The following EDEM1 variants were observed in gnomAD, a reference collection of about 807,000 sequenced individuals.
EDEM1 encodes ER degradation enhancing alpha-mannosidase like protein 1.
In EDEM1, 67 loss-of-function variants were observed where a neutral mutation model predicts 74.4. The observed-to-expected ratio is 0.90, with a 90% CI of 0.74 to 1.10. The LOEUF (loss-of-function observed/expected upper bound fraction) is 1.10, where lower values mean the gene tolerates loss of function less well. EDEM1 is among the 50% of genes least tolerant of loss of function. The probability of loss-of-function intolerance (pLI) is 0.00; values close to 1 mark genes in which losing one functional copy is unlikely to be tolerated. For synonymous variants in EDEM1, 382 were observed against 335.9 expected, an observed-to-expected ratio of 1.14 and a Z score of -1.50; for missense variants, 926 against 851.6, an observed-to-expected ratio of 1.09 and a Z score of -1.09.
intron 6 of EDEM1, among the ~76,000 whole-genome samples, chr3:5,205,924 C>G (rs2055091316): frequency 6.6e-6 from 1 of 152,120 alleles, no homozygotes; most frequent in Non-Finnish European, 1.5e-5. Flanking sequence ...TAGAGACTTG[C>G]TGCTACTACA....
chr3:5,198,864 A>C (rs1575586408), intron 2 of EDEM1, among the ~76,000 whole-genome samples: 2 of 152,216 alleles, frequency 1.3e-5, no homozygotes, highest in South Asian at 4.1e-4. Context: ...TTTAGAGTGG[A>C]ATGAAATAAT....
At chr3:5,203,689 G>A (rs2055060541) in intron 5 of EDEM1, among the ~76,000 whole-genome samples, 1 of 152,094 alleles carries the variant, frequency 6.6e-6, no homozygotes, top group African/African-American at 2.4e-5. Context: ...CTCATCATTT[G>A]TCTTCACTAA....
At chr3:5,201,225 G>A (rs78782828) in intron 3 of EDEM1, among the ~76,000 whole-genome samples, 2,233 of 151,884 alleles carry the variant, frequency 0.015, 58 homozygotes, top group African/African-American at 0.051. Flanking sequence ...TGGCATGATT[G>A]TAGCAGTCTT....
intron 2 of EDEM1, among the ~76,000 whole-genome samples, chr3:5,196,329 C>T (rs1021837604): frequency 9.2e-5 from 14 of 152,092 alleles, no homozygotes; most frequent in Non-Finnish European, 1.8e-4. Flanking sequence ...TGGTGGCGGG[C>T]GCCTGTGGTC....
At position 5,210,268 on chromosome 3, in the gene EDEM1, A is replaced by T. The variant is rs1259360773; in HGVS notation, c.1583+20A>T. ...AGTCAAGTCAGTTTTCTAAGTTCCTACCTTTTTCTGTCAGCCACTTTTAAT... is the reference window on the plus strand; with the variant it reads ...AGTCAAGTCAGTTTTCTAAGTTCCTTCCTTTTTCTGTCAGCCACTTTTAAT... On this transcript the variant is annotated intron_variant, in intron 9 of 11. Transcript: ENST00000256497. 1.2e-6 allele frequency: 2 copies of T among 1,605,904 alleles called. No individual in the cohort carries two copies. Among genetic ancestry groups the T allele is most frequent in the Non-Finnish European group, 1.7e-6 (2 of 1,173,154 alleles).
chr3:5,210,831 C>A lies in EDEM1; in HGVS notation c.1584-289C>A, dbSNP rs143584145. Among the ~76,000 whole-genome samples the A allele has an allele frequency of 1.4e-3, 211 of 152,098 alleles. 1 individual carries two copies. The highest frequency in any genetic ancestry group is 4.9e-3 in the African/African-American group (204 of 41,476). On this transcript the variant is annotated intron_variant, in intron 9 of 11. Transcript: ENST00000256497. ...CTAGAAATTTAAATTAGTCCTTTTA[C>A]ATTTGTTGCCGGTCATTTTCCTGGT...
chr3:5,198,662 CTTTTTTT>C (rs57260414), intron 2 of EDEM1, among the ~76,000 whole-genome samples: 1,169 of 75,196 alleles, frequency 0.016, 29 homozygotes, highest in African/African-American at 0.05. Flanking sequence ...ACGTATATAG[CTTTTTTT>C]TTTTTTTTTT....
chr3:5,196,930 C>CTTTTTT (rs1488633815), intron 2 of EDEM1, among the ~76,000 whole-genome samples: 5 of 148,672 alleles, frequency 3.4e-5, no homozygotes, highest in African/African-American at 1.0e-4. Flanking sequence ...CTTTTCTTTT[C>CTTTTTT]TTTTCTTTTT....
chr3:5,193,985 A>G (rs2054932936), intron 1 of EDEM1, among the ~76,000 whole-genome samples: 3 of 152,330 alleles, frequency 2.0e-5, no homozygotes, highest in Middle Eastern at 6.8e-3. Flanking sequence ...AAAATGAGAC[A>G]TTGGAGCTGT....
intron 8 of EDEM1, among the ~76,000 whole-genome samples, chr3:5,208,876 C>G (rs546885768): frequency 6.6e-6 from 1 of 152,046 alleles, no homozygotes; most frequent in Non-Finnish European, 1.5e-5. Context: ...TTCTTCCTGA[C>G]GGTTGAAGCC....
At chr3:5,215,680 G>A (rs78231772) in intron 11 of EDEM1, 149 bp from the exon 12 acceptor site, 175 of 713,006 alleles carry the variant, frequency 2.5e-4, no homozygotes, top group Non-Finnish European at 3.8e-4. Context: ...GCTGCTGACC[G>A]TCCTGCAGTG....
At chr3:5,196,585 A>G (rs1255535634) in intron 2 of EDEM1, among the ~76,000 whole-genome samples, 3 of 152,208 alleles carry the variant, frequency 2.0e-5, no homozygotes, top group Non-Finnish European at 4.4e-5. Context: ...AGATCATTCT[A>G]CGTCCTCATT....
chr3:5,201,756 C>T lies in EDEM1; in HGVS notation c.690C>T (p.Val230=), dbSNP rs774824932. 14 of 1,614,102 alleles carry T rather than the reference C, an allele frequency of 8.7e-6. No homozygotes were observed. The highest frequency in any genetic ancestry group is 1.2e-5 in the Non-Finnish European group (14 of 1,180,010). The stretch of plus-strand genomic sequence containing the variant: ...TTTTTGTTCTTCCTGTCATTAGGGT[C>T]CTGGGAAGCCTCCTTTCTGCTCACA... ...TVQVFEATIR[V]LGSLLSAHRI... Residue 230 remains valine (V), a synonymous_variant, in exon 4 of 12, where the codon GTC becomes GTT. Transcript: ENST00000256497.
Position 5,205,121 on chromosome 3 carries a change from G to A in EDEM1, c.1097G>A (p.Gly366Asp), listed in dbSNP as rs770752760. 6 of 1,614,224 alleles carry A rather than the reference G, an allele frequency of 3.7e-6. No homozygotes were observed. Among genetic ancestry groups the A allele is most frequent in the Non-Finnish European group, 4.2e-6 (5 of 1,180,032 alleles). The change falls in exon 6 of 12, where the codon GGT becomes GAT. Residue 366 changes from glycine (G) to aspartate (D), a missense_variant. Gly to Asp is a moderately conservative substitution (Grantham distance 94). Coordinates refer to ENST00000256497, the MANE Select transcript of EDEM1 (RefSeq NM_014674.3). ...GHWVGKQSGL[G>D]AGLDSFYEYL... is the part of the protein sequence containing the mutation. ...TGGGTTGGAAAGCAGAGTGGCCTGG[G>A]TGCCGGGCTGGACTCCTTCTATGAA...
In EDEM1 at chr3:5,217,701, TTTA is replaced by T. The variant is rs2055257537; in HGVS notation, c.*1787_*1789del. 1 of 152,344 alleles carries T rather than the reference TTTA, an allele frequency of 6.6e-6. No individual in the cohort carries two copies. The allele number at this position is 152,344 out of a possible 1,614,324, so 9.4% of individuals were successfully genotyped here. ...TTTTCATTTCAGAAGCATTATTCTG[TTTA>T]TTAACAGTGTCCCATCTACTGAATA... On this transcript the variant is annotated 3_prime_UTR_variant, in exon 12 of 12. Transcript: ENST00000256497.
chr3:5,210,329 G>A, intron 9 of EDEM1, 81 bp downstream of exon 9: 1 of 1,348,390 alleles, frequency 7.4e-7, no homozygotes, highest in Non-Finnish European at 1.1e-6. Flanking sequence ...ATCCTAGTTT[G>A]CATTTTAATT....
At chr3:5,190,460 A>G (rs1316109356) in intron 1 of EDEM1, among the ~76,000 whole-genome samples, 1 of 152,226 alleles carries the variant, frequency 6.6e-6, no homozygotes, top group Non-Finnish European at 1.5e-5. Flanking sequence ...GCGCTTCTGG[A>G]GAACCTTAAG....
chr3:5,210,043 A>G (rs1020929037), intron 8 of EDEM1, 132 bp from the exon 9 acceptor site: 1 of 725,276 alleles, frequency 1.4e-6, no homozygotes, highest in Non-Finnish European at 2.4e-6. Flanking sequence ...TGCAAGATAA[A>G]TGACCTGGGC....
In EDEM1 at chr3:5,215,923, C is replaced by G. The variant is rs1172275908; in HGVS notation, c.*5C>G. 5 of 1,611,196 alleles carry G rather than the reference C, an allele frequency of 3.1e-6. No individual in the cohort carries two copies. The highest frequency in any genetic ancestry group is 4.2e-6 in the Non-Finnish European group (5 of 1,178,684). On this transcript the variant is annotated 3_prime_UTR_variant, in exon 12 of 12. Coordinates refer to ENST00000256497, the MANE Select transcript of EDEM1 (RefSeq NM_014674.3). ...CAGATGGTTGGTTTGATTTGATCTG[C>G]TCTCTGTGAGGCCTCATCTTGAACC... is the stretch of plus-strand genomic sequence containing the variant.
Sources: gnomAD v4.1 joint callset for allele counts (sites outside exome capture counted in the v4.1 genomes callset) on GRCh38, gnomAD v4.1.1 for gene constraint, MANE v1.5 for transcripts, NCBI Gene and HGNC (gene_info 2026-07-23, HGNC 2026-07-21) for gene names.